Variants in EXOC4 observed in about 807,000 individuals in gnomAD.
EXOC4 encodes SEC8-like 1.
In EXOC4, 71 loss-of-function variants were observed where a neutral mutation model predicts 107.2. The ratio of observed to expected loss-of-function variants is 0.66; its 90% CI spans 0.55 to 0.81. The LOEUF is 0.81. Among genes scored for constraint, EXOC4 ranks in the 30% least tolerant of loss-of-function variants. EXOC4 has a pLI of 0.00. For synonymous variants in EXOC4, 456 were observed against 441.2 expected (o/e 1.03, Z -0.42); for missense variants, 1,108 against 1,189.6 (o/e 0.93, Z 1.01).
At chr7:133,440,706 C>T (rs1798084058) in intron 7 of EXOC4, among the ~76,000 whole-genome samples, 1 of 152,206 alleles carries the variant, frequency 6.6e-6, no homozygotes. Flanking sequence ...CTGCTACACT[C>T]CCACCAGCAA....
intron 14 of EXOC4, among the ~76,000 whole-genome samples, chr7:133,970,420 G>C (rs931532691): frequency 6.8e-6 from 1 of 147,142 alleles, no homozygotes; most frequent in African/African-American, 2.5e-5. Flanking sequence ...AGCTAGCTCA[G>C]TGTCTGCCCA....
intron 12 of EXOC4, among the ~76,000 whole-genome samples, chr7:133,898,036 A>G (rs1233247697): frequency 4.8e-5 from 3 of 61,928 alleles, no homozygotes; most frequent in Admixed American, 4.9e-4. Flanking sequence ...CCCAGCCTCC[A>G]GCAACCGCTG....
intron 17 of EXOC4, among the ~76,000 whole-genome samples, chr7:134,054,831 C>T (rs1405276898): frequency 6.6e-6 from 1 of 152,190 alleles, no homozygotes; most frequent in Non-Finnish European, 1.5e-5. Context: ...CAAAGCTATC[C>T]ATCACGTTTG....
intron 1 of EXOC4, among the ~76,000 whole-genome samples, chr7:133,269,921 T>C (rs1793825082): frequency 6.6e-6 from 1 of 152,166 alleles, no homozygotes; most frequent in Non-Finnish European, 1.5e-5. Flanking sequence ...TCTCTTTATC[T>C]CTACAAAGAG....
At chr7:133,578,836 G>A (rs1407015204) in intron 9 of EXOC4, among the ~76,000 whole-genome samples, 1 of 152,118 alleles carries the variant, frequency 6.6e-6, no homozygotes, top group Non-Finnish European at 1.5e-5. Flanking sequence ...TGTTAAGGTG[G>A]TGTTGAAATT....
At chr7:133,258,573 T>G (rs1459371059) in intron 1 of EXOC4, among the ~76,000 whole-genome samples, 1 of 152,208 alleles carries the variant, frequency 6.6e-6, no homozygotes, top group Non-Finnish European at 1.5e-5. Flanking sequence ...CCTAGCACAG[T>G]TTGGCACACG....
chr7:133,593,458 A>G (rs1454073493), intron 9 of EXOC4, among the ~76,000 whole-genome samples: 1 of 152,240 alleles, frequency 6.6e-6, no homozygotes, highest in Non-Finnish European at 1.5e-5. Context: ...TGCTCCCTGA[A>G]TCACTAATGT....
chr7:133,514,338 A>G (rs915105444), intron 9 of EXOC4, among the ~76,000 whole-genome samples: 6 of 151,880 alleles, frequency 4.0e-5, no homozygotes, highest in African/African-American at 1.5e-4. Context: ...CTAATTTTAT[A>G]TTTTTAGTAG....
At chr7:133,857,138 ACACATACACG>A (rs1253294822) in intron 11 of EXOC4, among the ~76,000 whole-genome samples, 18 of 69,086 alleles carry the variant, frequency 2.6e-4, no homozygotes, top group South Asian at 3.9e-4. Context: ...ATATATATAT[ACACATACACG>A]TATATATATA....
At chr7:133,853,148 G>C (rs1042483927) in intron 11 of EXOC4, among the ~76,000 whole-genome samples, 1 of 152,122 alleles carries the variant, frequency 6.6e-6, no homozygotes, top group Non-Finnish European at 1.5e-5. Context: ...GTCGTCTCCA[G>C]CTTCTTTGGA....
At chr7:133,774,898 C>T (rs979443541) in intron 10 of EXOC4, among the ~76,000 whole-genome samples, 2 of 151,934 alleles carry the variant, frequency 1.3e-5, no homozygotes, top group Non-Finnish European at 2.9e-5. Flanking sequence ...CTTGCTCCCC[C>T]GCCCCTCCCC....
At chr7:133,887,024 T>C (rs1008554148) in intron 11 of EXOC4, among the ~76,000 whole-genome samples, 41 of 152,198 alleles carry the variant, frequency 2.7e-4, no homozygotes, top group African/African-American at 8.9e-4. Flanking sequence ...TGTAATCATA[T>C]AGCATCACAG....
At chr7:133,520,251 T>G (rs1387476345) in intron 9 of EXOC4, among the ~76,000 whole-genome samples, 1 of 152,214 alleles carries the variant, frequency 6.6e-6, no homozygotes, top group Non-Finnish European at 1.5e-5. Context: ...AGCATGTATC[T>G]TATTCCTGTT....
chr7:133,618,593 A>C (rs1447024034), intron 9 of EXOC4, among the ~76,000 whole-genome samples: 5 of 152,200 alleles, frequency 3.3e-5, no homozygotes, highest in African/African-American at 1.2e-4. Context: ...GGTGGTCGAC[A>C]TTGAATTTAC....
intron 9 of EXOC4, among the ~76,000 whole-genome samples, chr7:133,566,016 G>A (rs1048154613): frequency 6.6e-6 from 1 of 152,180 alleles, no homozygotes; most frequent in Non-Finnish European, 1.5e-5. Flanking sequence ...TTTATTGGGG[G>A]TTATTATATA....
At chr7:133,450,258 G>C (rs1395271607) in intron 7 of EXOC4, among the ~76,000 whole-genome samples, 1 of 151,920 alleles carries the variant, frequency 6.6e-6, no homozygotes, top group Non-Finnish European at 1.5e-5. Flanking sequence ...CAAACTCTTC[G>C]GCTCAAGCAA....
intron 9 of EXOC4, among the ~76,000 whole-genome samples, chr7:133,620,065 C>T (rs1563129439): frequency 6.6e-6 from 1 of 151,914 alleles, no homozygotes; most frequent in Non-Finnish European, 1.5e-5. Flanking sequence ...CTCTGTTACC[C>T]AGGCTGGAGT....
intron 9 of EXOC4, among the ~76,000 whole-genome samples, chr7:133,536,038 A>G (rs1800263871): frequency 6.6e-6 from 1 of 152,190 alleles, no homozygotes; most frequent in Non-Finnish European, 1.5e-5. Context: ...CAGCAGCATC[A>G]GGTAATGGGA....
intron 10 of EXOC4, among the ~76,000 whole-genome samples, chr7:133,678,811 G>A (rs992142491): frequency 6.6e-6 from 1 of 151,690 alleles, no homozygotes; most frequent in Non-Finnish European, 1.5e-5. Context: ...GTAGAGCTGG[G>A]GTCTTGCCAT....
Sources: allele counts gnomAD v4.1 joint callset (sites outside exome capture counted in the v4.1 genomes callset), GRCh38; gene constraint gnomAD v4.1.1; transcripts MANE v1.5; gene names NCBI Gene and HGNC (gene_info 2026-07-23, HGNC 2026-07-21).